ANO1: variants seen among roughly 807,000 people sequenced by gnomAD.
ANO1 encodes anoctamin 1, also known as anoctamin-1.
In ANO1, 59 loss-of-function variants were observed where a neutral mutation model predicts 124.0. That is an observed-to-expected ratio of 0.48 (90% CI 0.39 to 0.59). The LOEUF is 0.59. Among genes scored for constraint, ANO1 ranks in the 20% least tolerant of loss-of-function variants. The pLI, the probability that ANO1 is intolerant of heterozygous loss-of-function variation, is 0.00. For synonymous variants in ANO1, 529 were observed against 532.0 expected, an observed-to-expected ratio of 0.99 and a Z score of 0.08; for missense variants, 1,059 against 1,328.0, an observed-to-expected ratio of 0.80 and a Z score of 3.15.
At chr11:69,986,734 C>A (rs1856051164) in intron 1 of ANO1, among the ~76,000 whole-genome samples, 2 of 152,168 alleles carry the variant, frequency 1.3e-5, no homozygotes, top group South Asian at 4.1e-4. Context: ...TCCCCCCTGG[C>A]TGCACATAAA....
At chr11:70,040,537 A>C (rs1489494473) in intron 1 of ANO1, among the ~76,000 whole-genome samples, 1 of 152,202 alleles carries the variant, frequency 6.6e-6, no homozygotes, top group Non-Finnish European at 1.5e-5. Context: ...TTAGTCGGGC[A>C]TGGTGGCACG....
At chr11:70,165,009 T>TG (rs1293052240) in intron 19 of ANO1, among the ~76,000 whole-genome samples, 5 of 152,084 alleles carry the variant, frequency 3.3e-5, no homozygotes, top group African/African-American at 4.8e-5. Context: ...GTAACAGAGA[T>TG]GGGGGTCTCA....
intron 1 of ANO1, among the ~76,000 whole-genome samples, chr11:70,034,031 A>G (rs368878921): frequency 2.0e-4 from 30 of 152,038 alleles, no homozygotes; most frequent in African/African-American, 7.0e-4. Flanking sequence ...AGCATCCCCC[A>G]TCCATGCGCT....
At chr11:70,129,225 G>C (rs2046645964) in intron 10 of ANO1, 1 of 152,264 alleles carries the variant, frequency 6.6e-6, no homozygotes. Context: ...AAAGTGCTTG[G>C]CTATTGCATA....
chr11:70,143,816 C>G (rs948926798), intron 11 of ANO1, among the ~76,000 whole-genome samples: 2 of 152,226 alleles, frequency 1.3e-5, no homozygotes, highest in Non-Finnish European at 2.9e-5. Context: ...ATCATTCTAT[C>G]ACTAGCTTTT....
At chr11:70,042,645 C>A (rs782624521) in intron 1 of ANO1, among the ~76,000 whole-genome samples, 5 of 152,024 alleles carry the variant, frequency 3.3e-5, no homozygotes, top group African/African-American at 9.7e-5. Context: ...CTACCCAGGG[C>A]TAGGGAAAGA....
At position 70,108,358 on chromosome 11, in the gene ANO1, T is replaced by C. The variant is rs755754834; in HGVS notation, c.753T>C (p.Tyr251=). The change falls in exon 6 of 26, where the codon TAT becomes TAC. Residue 251 remains tyrosine (Y), a synonymous_variant. Coordinates refer to ENST00000355303, the MANE Select transcript of ANO1 (RefSeq NM_018043.7). Reference sequence around the variant, plus strand: ...CCTTCTTGTCTCTGCAATAGGTCTATGAGATCTTGAAGAGAACGACGTGTA... The same window carrying C: ...CCTTCTTGTCTCTGCAATAGGTCTACGAGATCTTGAAGAGAACGACGTGTA... ...FDSKTRSTIV[Y]EILKRTTCTK... 7 of 1,610,784 alleles carry C rather than the reference T, an allele frequency of 4.3e-6. No homozygotes were observed. The East Asian group carries it at 1.3e-4, about 31-fold the overall frequency.
intron 11 of ANO1, among the ~76,000 whole-genome samples, chr11:70,140,968 T>C (rs182654295): frequency 5.5e-4 from 84 of 152,260 alleles, no homozygotes; most frequent in African/African-American, 1.9e-3. Context: ...GGAGTCTCTC[T>C]GGTTGGAATG....
At chr11:70,027,680 G>C (rs1269737125) in intron 1 of ANO1, among the ~76,000 whole-genome samples, 1 of 152,228 alleles carries the variant, frequency 6.6e-6, no homozygotes, top group African/African-American at 2.4e-5. Flanking sequence ...CCTGGAAATA[G>C]TGACAGTCAG....
intron 9 of ANO1, among the ~76,000 whole-genome samples, chr11:70,125,064 C>T (rs1042504265): frequency 1.3e-5 from 2 of 152,150 alleles, no homozygotes; most frequent in Admixed American, 6.5e-5. Flanking sequence ...AAGTGGGGAC[C>T]GGGCGCGGTG....
At chr11:70,010,469 C>T (rs376590231) in intron 1 of ANO1, among the ~76,000 whole-genome samples, 112 of 151,780 alleles carry the variant, frequency 7.4e-4, no homozygotes, top group Middle Eastern at 3.4e-3. Context: ...CTCCTGTGAC[C>T]GGGACACCTC....
intron 12 of ANO1, among the ~76,000 whole-genome samples, chr11:70,150,605 G>A (rs1290912534): frequency 1.3e-5 from 2 of 152,142 alleles, no homozygotes; most frequent in African/African-American, 4.8e-5. Flanking sequence ...CATGATCATA[G>A]CTCACTGCAG....
chr11:70,139,651 C>T (rs1304092482), intron 11 of ANO1, among the ~76,000 whole-genome samples: 1 of 152,132 alleles, frequency 6.6e-6, no homozygotes, highest in African/African-American at 2.4e-5. Context: ...ACCCAGTTAA[C>T]CATTGATGGG....
At chr11:70,074,266 T>G (rs75308525), upstream of ANO1, among the ~76,000 whole-genome samples, 388 of 152,152 alleles carry the variant, frequency 2.6e-3, 2 homozygotes, top group Non-Finnish European at 2.5e-3. Flanking sequence ...CAGCACTTAT[T>G]AAACCCCTCT....
At chr11:70,052,539 T>TC (rs1555006370) in intron 1 of ANO1, among the ~76,000 whole-genome samples, 4 of 63,688 alleles carry the variant, frequency 6.3e-5, no homozygotes, top group African/African-American at 2.8e-4. Flanking sequence ...TTCTTTTTTT[T>TC]TTTTTTTTTT....
At chr11:70,069,228 G>C (rs1555009012) in intron 1 of ANO1, among the ~76,000 whole-genome samples, 1 of 152,202 alleles carries the variant, frequency 6.6e-6, no homozygotes, top group Non-Finnish European at 1.5e-5. Flanking sequence ...TCTGAGATGT[G>C]GCTTGAAGGA....
rs7931124 is a variant in ANO1 at position 70,146,502 on chromosome 11, G to A, written c.1259-3208G>A. Among the ~76,000 whole-genome samples, 1,153 of 152,224 alleles carry A rather than the reference G, an allele frequency of 7.6e-3. 21 individuals are homozygous for A. The highest frequency in any genetic ancestry group is 0.027 in the African/African-American group (1,103 of 41,532). ...GGAAAGAGGAGGAGCTGGGGAGGCCGGGACAGGGAAGGTGCGTGAGTCAGG... is the reference window on the plus strand; with the variant it reads ...GGAAAGAGGAGGAGCTGGGGAGGCCAGGACAGGGAAGGTGCGTGAGTCAGG... On this transcript the variant is annotated intron_variant, in intron 11 of 25. Coordinates refer to ENST00000355303, the MANE Select transcript of ANO1 (RefSeq NM_018043.7).
intron 22 of ANO1, among the ~76,000 whole-genome samples, chr11:70,173,353 T>G (rs1421585368): frequency 6.6e-6 from 1 of 152,174 alleles, no homozygotes; most frequent in Non-Finnish European, 1.5e-5. Context: ...CTACATCACC[T>G]CTTCTCTGGG....
chr11:70,122,559 GTC>G (rs201379484), intron 8 of ANO1, among the ~76,000 whole-genome samples: 2,823 of 142,330 alleles, frequency 0.02, 42 homozygotes, highest in Non-Finnish European at 0.026. Flanking sequence ...ATCTGCCTCT[GTC>G]TCTGTCTCTC....
Sources: gnomAD v4.1 joint callset for allele counts (sites outside exome capture counted in the v4.1 genomes callset) on GRCh38, gnomAD v4.1.1 for gene constraint, MANE v1.5 for transcripts, NCBI Gene and HGNC (gene_info 2026-07-23, HGNC 2026-07-21) for gene names.